Variants in VDAC1 observed in about 807,000 individuals in gnomAD.
VDAC1 encodes non-selective voltage-gated ion channel VDAC1.
VDAC1 carries 10 observed loss-of-function variants against 34.7 expected under a neutral mutation model. The observed-to-expected ratio is 0.29, with a 90% CI of 0.18 to 0.49. The LOEUF (loss-of-function observed/expected upper bound fraction) is 0.49, where lower values mean the gene tolerates loss of function less well. VDAC1 is among the 20% of genes least tolerant of loss of function. VDAC1 has a pLI of 0.99. For synonymous variants in VDAC1, 130 were observed against 136.0 expected (o/e 0.96, Z 0.30); for missense variants, 230 against 347.9 (o/e 0.66, Z 2.69).
At chr5:134,055,598 T>G in the VDAC1 span, among the ~76,000 whole-genome samples, 5 of 131,318 alleles carry the variant, frequency 3.8e-5, no homozygotes, top group Admixed American at 2.3e-4. Context: ...GTTTTTTTTT[T>G]TTTTTTTTTT....
At chr5:134,052,323 G>A in the VDAC1 span, among the ~76,000 whole-genome samples, 1 of 151,982 alleles carries the variant, frequency 6.6e-6, no homozygotes, top group African/African-American at 2.4e-5. Context: ...GAAGCCTCTT[G>A]TGTTATGTAA....
chr5:134,064,424 C>T, the VDAC1 span, among the ~76,000 whole-genome samples: 13 of 152,052 alleles, frequency 8.5e-5, no homozygotes, highest in Admixed American at 6.6e-4. Flanking sequence ...CATGTCTCAA[C>T]CTCCCGAGTA....
the VDAC1 span, among the ~76,000 whole-genome samples, chr5:134,011,423 C>A: frequency 6.6e-6 from 1 of 152,086 alleles, no homozygotes; most frequent in Non-Finnish European, 1.5e-5. Context: ...ATTTATCTGG[C>A]GTAACTAAAC....
chr5:134,014,841 G>C, the VDAC1 span, among the ~76,000 whole-genome samples: 1 of 152,142 alleles, frequency 6.6e-6, no homozygotes, highest in South Asian at 2.1e-4. Context: ...ACTCCAACTT[G>C]GGCAACAGAG....
At chr5:134,050,488 G>A in the VDAC1 span, among the ~76,000 whole-genome samples, 59 of 152,014 alleles carry the variant, frequency 3.9e-4, no homozygotes, top group African/African-American at 1.4e-3. Flanking sequence ...TTTCCTCTGG[G>A]CAGGGGGAGA....
At chr5:134,072,537 G>A in the VDAC1 span, among the ~76,000 whole-genome samples, 1 of 152,182 alleles carries the variant, frequency 6.6e-6, no homozygotes, top group South Asian at 2.1e-4. Context: ...AGCACACTGG[G>A]GGGAAAGGAC....
intron 1 of VDAC1, among the ~76,000 whole-genome samples, chr5:133,995,559 G>A (rs1753267480): frequency 6.6e-6 from 1 of 152,074 alleles, no homozygotes; most frequent in Non-Finnish European, 1.5e-5. Flanking sequence ...CACCACCGAG[G>A]ACAGCAAAAG....
the VDAC1 span, among the ~76,000 whole-genome samples, chr5:134,047,173 C>G: frequency 3.9e-5 from 6 of 152,250 alleles, no homozygotes; most frequent in Middle Eastern, 3.4e-3. Flanking sequence ...GTGAATGAAG[C>G]CTTTGATACC....
At chr5:134,114,005 G>A in the VDAC1 span, among the ~76,000 whole-genome samples, 1 of 152,212 alleles carries the variant, frequency 6.6e-6, no homozygotes, top group East Asian at 1.9e-4. Context: ...GATCGGCTGA[G>A]GTCCGGTGCT....
chr5:134,085,722 TAAAAAAAAAAA>T, the VDAC1 span, among the ~76,000 whole-genome samples: 294 of 44,266 alleles, frequency 6.6e-3, 7 homozygotes, highest in South Asian at 0.027. Flanking sequence ...ACCCCATTTC[TAAAAAAAAAAA>T]AAAAAAAAAA....
the VDAC1 span, among the ~76,000 whole-genome samples, chr5:134,089,929 T>C: frequency 6.6e-6 from 1 of 151,944 alleles, no homozygotes; most frequent in Non-Finnish European, 1.5e-5. Flanking sequence ...CAGGCAGAGG[T>C]TGCAGTGAGC....
At chr5:134,092,549 G>A in the VDAC1 span, among the ~76,000 whole-genome samples, 2 of 152,054 alleles carry the variant, frequency 1.3e-5, no homozygotes. Context: ...GGTGGTGGGT[G>A]CCTGTAATCC....
chr5:134,050,463 C>G, the VDAC1 span, among the ~76,000 whole-genome samples: 2,416 of 152,106 alleles, frequency 0.016, 67 homozygotes, highest in African/African-American at 0.055. Flanking sequence ...CACTTCCAAG[C>G]CCCCCCAGCA....
At chr5:134,016,564 T>G in the VDAC1 span, among the ~76,000 whole-genome samples, 1 of 152,236 alleles carries the variant, frequency 6.6e-6, no homozygotes, top group African/African-American at 2.4e-5. Flanking sequence ...TCCACTTGAC[T>G]TGCATTTATG....
At chr5:134,077,636 T>G in the VDAC1 span, among the ~76,000 whole-genome samples, 9 of 152,328 alleles carry the variant, frequency 5.9e-5, no homozygotes, top group South Asian at 1.9e-3. Context: ...ACTCGCTCAT[T>G]TAATCATCAC....
chr5:134,061,317 A>G, the VDAC1 span, among the ~76,000 whole-genome samples: 1 of 151,502 alleles, frequency 6.6e-6, no homozygotes, highest in Non-Finnish European at 1.5e-5. Context: ...CTTTATATCC[A>G]GCCACCTAAC....
At chr5:134,080,288 A>C in the VDAC1 span, among the ~76,000 whole-genome samples, 1 of 152,184 alleles carries the variant, frequency 6.6e-6, no homozygotes, top group Non-Finnish European at 1.5e-5. Flanking sequence ...GCCCTTGGAC[A>C]CTGGGATTGT....
the VDAC1 span, among the ~76,000 whole-genome samples, chr5:134,033,819 C>T: frequency 6.6e-6 from 1 of 151,564 alleles, no homozygotes; most frequent in South Asian, 2.2e-4. Context: ...GGTGAAACCC[C>T]GTCTCTACTA....
chr5:134,032,137 A>AAAAAAAAAAAAAAAAAAAAAC, the VDAC1 span, among the ~76,000 whole-genome samples: 1 of 148,702 alleles, frequency 6.7e-6, no homozygotes, highest in Non-Finnish European at 1.5e-5. Context: ...AAAAAAAAAA[A>AAAAAAAAAAAAAAAAAAAAAC]AAAAAAAGCT....
Sources: gnomAD v4.1 joint callset for allele counts (sites outside exome capture counted in the v4.1 genomes callset) on GRCh38, gnomAD v4.1.1 for gene constraint, MANE v1.5 for transcripts, NCBI Gene and HGNC (gene_info 2026-07-23, HGNC 2026-07-21) for gene names.